Variants in TPTE observed in about 807,000 individuals in gnomAD.
The protein encoded by TPTE is putative tyrosine-protein phosphatase TPTE.
A neutral mutation model predicts 84.1 loss-of-function variants in TPTE; 59 were observed. The observed-to-expected ratio is 0.70, with a 90% confidence interval of 0.57 to 0.87. The LOEUF (loss-of-function observed/expected upper bound fraction) is 0.87. Ranked by LOEUF, TPTE falls within the 40% of genes least tolerant of loss-of-function variation. The pLI, the probability that TPTE is intolerant of heterozygous loss-of-function variation, is 0.00. For synonymous variants in TPTE, 130 were observed against 223.5 expected (o/e 0.58, Z 3.73); for missense variants, 382 against 659.6 (o/e 0.58, Z 4.61).
intron 7 of TPTE, among the ~76,000 whole-genome samples, chr21:10,544,483 C>T (rs1294889684): frequency 1.3e-5 from 2 of 152,310 alleles, no homozygotes; most frequent in Admixed American, 6.5e-5. Context: ...CTCCCGGGTT[C>T]AAGTGATTTT....
intron 10 of TPTE, among the ~76,000 whole-genome samples, chr21:10,567,107 T>TAAAA (rs574386155): frequency 8.0e-6 from 1 of 124,352 alleles, no homozygotes; most frequent in Non-Finnish European, 1.8e-5. Context: ...TATGGGGCTC[T>TAAAA]AAAAAAAAAA....
chr21:10,536,975 C>A (rs1394148829), intron 3 of TPTE, among the ~76,000 whole-genome samples: 1 of 152,308 alleles, frequency 6.6e-6, no homozygotes, highest in African/African-American at 2.4e-5. Flanking sequence ...GTTCCTCACA[C>A]CCAGAGCTCT....
chr21:10,540,590 C>T (rs1367251255), intron 4 of TPTE: 6 of 506,854 alleles, frequency 1.2e-5, no homozygotes, highest in South Asian at 2.8e-5. Flanking sequence ...AGCTAATAAC[C>T]CTGGAATTAT....
At chr21:10,602,875 A>T in intron 22 of TPTE, 1 of 518,070 alleles carries the variant, frequency 1.9e-6, no homozygotes, top group Non-Finnish European at 3.9e-6. Flanking sequence ...TTGGGATGTA[A>T]GGTGCTACCT....
intron 17 of TPTE, among the ~76,000 whole-genome samples, chr21:10,579,478 A>G (rs539599442): frequency 1.6e-3 from 249 of 151,998 alleles, no homozygotes; most frequent in Non-Finnish European, 3.2e-3. Context: ...CAACAAGAAC[A>G]AAACTCCATC....
chr21:10,528,775 C>G (rs1238719725), intron 3 of TPTE, among the ~76,000 whole-genome samples: 2 of 152,426 alleles, frequency 1.3e-5, no homozygotes, highest in East Asian at 3.8e-4. Flanking sequence ...GTTACTATTC[C>G]CTTTTAACGT....
intron 4 of TPTE, among the ~76,000 whole-genome samples, chr21:10,540,480 C>G (rs562213724): frequency 6.6e-6 from 1 of 152,310 alleles, no homozygotes; most frequent in African/African-American, 2.4e-5. Flanking sequence ...ATGAGACTTT[C>G]CTAGTAGCAT....
chr21:10,558,221 T>C (rs2074720922), intron 8 of TPTE, among the ~76,000 whole-genome samples: 1 of 152,312 alleles, frequency 6.6e-6, no homozygotes, highest in African/African-American at 2.4e-5. Flanking sequence ...AACATTCATA[T>C]GCATGTATCT....
chr21:10,543,880 G>C (rs1271388159), intron 7 of TPTE, among the ~76,000 whole-genome samples: 1 of 152,306 alleles, frequency 6.6e-6, no homozygotes, highest in African/African-American at 2.4e-5. Flanking sequence ...GGGAAAAAAA[G>C]AATGGAGCTA....
intron 3 of TPTE, among the ~76,000 whole-genome samples, chr21:10,536,598 AAGAG>A (rs368574592): frequency 0.041 from 6,158 of 149,502 alleles, 1 homozygote; most frequent in Middle Eastern, 0.095. Context: ...AGAAAGAGAA[AAGAG>A]AGAGAGAATC....
intron 5 of TPTE, among the ~76,000 whole-genome samples, chr21:10,541,885 C>T (rs1458672045): frequency 6.6e-6 from 1 of 152,302 alleles, no homozygotes. Context: ...GTGTTCACCA[C>T]CCTCCAGAAC....
At chr21:10,565,185 AATC>A (rs2074896321) in intron 10 of TPTE, among the ~76,000 whole-genome samples, 1 of 152,310 alleles carries the variant, frequency 6.6e-6, no homozygotes, top group African/African-American at 2.4e-5. Flanking sequence ...AATATACAAA[AATC>A]AGTAGCATTT....
chr21:10,564,247 C>T (rs1241405723), intron 10 of TPTE, among the ~76,000 whole-genome samples: 1 of 152,310 alleles, frequency 6.6e-6, no homozygotes, highest in African/African-American at 2.4e-5. Context: ...TGGTGGCTCA[C>T]TCCCATAATC....
At chr21:10,534,172 C>G (rs1198060028) in intron 3 of TPTE, among the ~76,000 whole-genome samples, 2 of 152,430 alleles carry the variant, frequency 1.3e-5, no homozygotes, top group South Asian at 4.1e-4. Context: ...GGGAAAATTT[C>G]ATTTAATTAA....
At chr21:10,556,263 A>G (rs212106) in intron 8 of TPTE, among the ~76,000 whole-genome samples, 31,648 of 144,614 alleles carry the variant, frequency 0.22, 65 homozygotes, top group African/African-American at 0.47. Context: ...TCATTGTTCA[A>G]TTCCCACCTA....
At chr21:10,535,379 G>C (rs1439410279) in intron 3 of TPTE, among the ~76,000 whole-genome samples, 1 of 152,406 alleles carries the variant, frequency 6.6e-6, no homozygotes, top group East Asian at 1.9e-4. Flanking sequence ...AACAATGAAA[G>C]AGAAAGAGAA....
chr21:10,564,128 T>A (rs2074865383), intron 10 of TPTE, among the ~76,000 whole-genome samples: 1 of 152,292 alleles, frequency 6.6e-6, no homozygotes, highest in Admixed American at 6.5e-5. Flanking sequence ...CACTCCAGTC[T>A]GGTGACAGAG....
chr21:10,576,423 T>C (rs1252302700), intron 14 of TPTE: 291 of 184,142 alleles, frequency 1.6e-3, no homozygotes, highest in African/African-American at 6.7e-3. Context: ...GGTCAGGCCA[T>C]TGGATTATCT....
At chr21:10,571,655 A>T (rs1323499859) in intron 14 of TPTE, among the ~76,000 whole-genome samples, 10 of 152,302 alleles carry the variant, frequency 6.6e-5, no homozygotes, top group Non-Finnish European at 1.2e-4. Flanking sequence ...AAGGATATAT[A>T]TATCATTAAA....
Sources: allele counts gnomAD v4.1 joint callset (sites outside exome capture counted in the v4.1 genomes callset), GRCh38; gene constraint gnomAD v4.1.1; transcripts MANE v1.5; gene names NCBI Gene and HGNC (gene_info 2026-07-23, HGNC 2026-07-21).